SLC5A5: variants seen among roughly 807,000 people sequenced by gnomAD.
SLC5A5 encodes sodium/iodide cotransporter.
Under a neutral mutation model 68.6 loss-of-function variants are expected in SLC5A5, and 56 were observed. That is an observed-to-expected ratio of 0.82 (90% CI 0.66 to 1.02). The LOEUF (loss-of-function observed/expected upper bound fraction) is 1.02. Among genes scored for constraint, SLC5A5 ranks in the 50% least tolerant of loss-of-function variants. SLC5A5 has a pLI of 0.00. For missense variants in SLC5A5, 807 were observed against 859.8 expected (o/e 0.94, Z 0.77); for synonymous variants, 398 against 373.0 (o/e 1.07, Z -0.77).
At chr19:17,886,394 G>A (rs764008954) in intron 12 of SLC5A5, among the ~76,000 whole-genome samples, 20 of 148,502 alleles carry the variant, frequency 1.3e-4, no homozygotes, top group African/African-American at 3.7e-4. Context: ...TGCAACCTCC[G>A]CCTCCTGGGT....
At position 17,892,695 on chromosome 19, in the gene SLC5A5, A is replaced by AGAGAGAGCGAGC. The variant is rs528009112; in HGVS notation, c.1768-1015_1768-1014insAGAGCGAGCGAG. 3.4e-5 allele frequency among the ~76,000 whole-genome samples: 5 copies of AGAGAGAGCGAGC among 148,720 alleles called. No individual in the cohort carries two copies. The South Asian group carries it at 8.7e-4, about 26-fold the overall frequency. On this transcript the variant is annotated intron_variant, in intron 14 of 14. Transcript: ENST00000222248. ...GAGAGAGAGAGAGAGAGAGAGAGAG[A>AGAGAGAGCGAGC]GAGCAAGCTAAAAAGAAAAACGTGT...
At chr19:17,875,909 C>G in intron 4 of SLC5A5, 43 bp from the exon 5 acceptor site, 2 of 1,612,320 alleles carry the variant, frequency 1.2e-6, no homozygotes, top group Non-Finnish European at 1.7e-6. Flanking sequence ...GGCCAGGTCC[C>G]CCATCTAACC....
intron 8 of SLC5A5, among the ~76,000 whole-genome samples, chr19:17,881,703 A>C (rs994048728): frequency 6.6e-6 from 1 of 152,262 alleles, no homozygotes; most frequent in South Asian, 2.1e-4. Context: ...CCCTTTTGCA[A>C]ATCTCCCACA....
intron 1 of SLC5A5, among the ~76,000 whole-genome samples, chr19:17,872,879 AAG>A (rs1222689559): frequency 6.6e-6 from 1 of 152,060 alleles, no homozygotes; most frequent in Non-Finnish European, 1.5e-5. Flanking sequence ...AGGAAGGAGG[AAG>A]AGAGAGCCTG....
At chr19:17,888,702 A>G (rs1349738032) in intron 13 of SLC5A5, among the ~76,000 whole-genome samples, 1 of 151,034 alleles carries the variant, frequency 6.6e-6, no homozygotes, top group Non-Finnish European at 1.5e-5. Flanking sequence ...GTGTGATCTC[A>G]GTTCATTGCA....
chr19:17,874,405 TA>T (rs1230405562), intron 2 of SLC5A5, 88 bp from the exon 3 acceptor site: 1 of 1,306,042 alleles, frequency 7.7e-7, no homozygotes, highest in African/African-American at 1.5e-5. Flanking sequence ...GCCCCGCCCA[TA>T]TTCTGGGACC....
intron 14 of SLC5A5, among the ~76,000 whole-genome samples, 159 bp from the exon 15 acceptor site, chr19:17,893,554 G>A (rs1190046856): frequency 2.0e-5 from 3 of 152,108 alleles, no homozygotes; most frequent in Admixed American, 6.6e-5. Context: ...GAGGCAGAGC[G>A]GGCAGGACTG....
rs201568651 is a variant in SLC5A5, at chr19:17,888,285, C to T, written c.1527-46C>T. On this transcript the variant is annotated intron_variant, in intron 12 of 14. Coordinates refer to ENST00000222248, the MANE Select transcript of SLC5A5 (RefSeq NM_000453.3). Reference sequence around the variant, plus strand: ...GGTTGGAACAGCTTTTGAGTGCAGGCAGGGGATAAAAGAGGAGGTTCAAGT... The same window carrying T: ...GGTTGGAACAGCTTTTGAGTGCAGGTAGGGGATAAAAGAGGAGGTTCAAGT... 6.9e-4 allele frequency: 1,111 copies of T among 1,610,836 alleles called. 3 individuals are homozygous for T. Among genetic ancestry groups the T allele is most frequent in the Admixed American group, 4.3e-3 (257 of 59,950 alleles).
chr19:17,875,387 A>G (rs2094304434), intron 4 of SLC5A5, among the ~76,000 whole-genome samples: 1 of 151,642 alleles, frequency 6.6e-6, no homozygotes, highest in South Asian at 2.1e-4. Context: ...TATAATAATA[A>G]TAATAATAAT....
chr19:17,885,352 G>T (rs1373555604), intron 12 of SLC5A5, among the ~76,000 whole-genome samples: 1 of 144,050 alleles, frequency 6.9e-6, no homozygotes, highest in Admixed American at 6.8e-5. Context: ...TATTTATTTT[G>T]GTTTTTTGGG....
chr19:17,878,865 CT>C (rs2094313701), intron 7 of SLC5A5, among the ~76,000 whole-genome samples: 2 of 151,132 alleles, frequency 1.3e-5, no homozygotes, highest in South Asian at 4.2e-4. Flanking sequence ...ATCCCAGCTA[CT>C]CGGGAGGCTG....
At chr19:17,881,033 C>T in intron 8 of SLC5A5, 80 bp downstream of exon 8, 1 of 1,060,288 alleles carries the variant, frequency 9.4e-7, no homozygotes, top group Non-Finnish European at 1.5e-6. Flanking sequence ...CCCTCTGGGG[C>T]ATGGAATGTT....
chr19:17,878,011 C>T lies in SLC5A5; in HGVS notation c.887C>T (p.Ala296Val). ...QVGLFLIVSS[A>V]ACCGIVMFVF... is the part of the protein sequence containing the mutation. ...GGCCTGTTCCTGATCGTGTCCAGCG[C>T]TGCCTGCTGTGGCATCGTCATGTTT... The change falls in exon 7 of 15, where the codon GCT (alanine) becomes GTT (valine). Residue 296 changes from alanine to valine, a missense_variant. Transcript: ENST00000222248. 6.2e-7 allele frequency: 1 copy of T among 1,613,520 alleles called. No individual in the cohort carries two copies. The highest frequency in any genetic ancestry group is 1.1e-5 in the South Asian group (1 of 91,090).
In SLC5A5 at chr19:17,878,031, A is replaced by T. The variant is rs770890932; in HGVS notation, c.907A>T (p.Met303Leu). 1.4e-5 allele frequency: 22 copies of T among 1,613,124 alleles called. No individual in the cohort carries two copies. The highest frequency in any genetic ancestry group is 1.9e-5 in the Non-Finnish European group (22 of 1,179,984). ...CAGCGCTGCCTGCTGTGGCATCGTC[A>T]TGTTTGTGTTCTACACTGACTGCGA... ...VSSAACCGIV[M>L]FVFYTDCDPL... The change falls in exon 7 of 15, where the codon ATG (methionine) becomes TTG (leucine). Residue 303 changes from methionine to leucine, a missense_variant. Physicochemically the swap from Met to Leu is conservative, Grantham distance 15. Transcript: ENST00000222248.
intron 7 of SLC5A5, 113 bp from the exon 8 acceptor site, chr19:17,880,752 C>T (rs1014703831): frequency 3.8e-6 from 3 of 788,378 alleles, no homozygotes; most frequent in Admixed American, 1.8e-5. Flanking sequence ...TATTAAATGC[C>T]GACTCTGAGC....
chr19:17,884,353 A>T (rs998166087), intron 12 of SLC5A5, among the ~76,000 whole-genome samples: 1 of 152,102 alleles, frequency 6.6e-6, no homozygotes, highest in Admixed American at 6.6e-5. Flanking sequence ...GCTGGAATGC[A>T]GGGGTGCAAT....
rs776726081 is a variant in SLC5A5 at position 17,883,965 on chromosome 19, G to A, written c.1445G>A (p.Arg482His). Residue 482 changes from arginine (R) to histidine (H), a missense_variant, in exon 12 of 15, where the codon CGC becomes CAC. Arg to His is a conservative substitution (Grantham distance 29). Coordinates refer to ENST00000222248, the MANE Select transcript of SLC5A5 (RefSeq NM_000453.3). ...AGGGTCCTGCCATCGTCGGCTGCCC[G>A]CTGCGTGGCTCTCTCAGTCAACGCC... ...TMRVLPSSAA[R>H]CVALSVNASG... The A allele has an allele frequency of 1.3e-5, 20 of 1,564,440 alleles. No homozygotes were observed. Among genetic ancestry groups the A allele is most frequent in the Non-Finnish European group, 1.6e-5 (19 of 1,156,270 alleles).
Position 17,883,452 on chromosome 19 carries a change from G to C in SLC5A5, c.1243-229G>C, listed in dbSNP as rs1346968122. ...AGAAGAAAGGGTCTCCCTGGCTTGAGGGTGGGACTGCCACCCCCAAGAGAT... is the reference window on the plus strand; with the variant it reads ...AGAAGAAAGGGTCTCCCTGGCTTGACGGTGGGACTGCCACCCCCAAGAGAT... On this transcript the variant is annotated intron_variant, in intron 10 of 14. Coordinates refer to ENST00000222248, the MANE Select transcript of SLC5A5 (RefSeq NM_000453.3). Among the ~76,000 whole-genome samples the C allele has an allele frequency of 2.0e-5, 3 of 151,662 alleles. No homozygotes were observed. In the East Asian group the frequency reaches 5.8e-4, roughly 29 times the overall value.
Position 17,894,213 on chromosome 19 carries a change from TCTCGG to T in SLC5A5, c.*340_*344del, listed in dbSNP as rs2030324035. ...CCCAGGCTGGAGTGCAGTGGTGTGA[TCTCGG>T]CTCACTGCAACCTCTGCCTCCCAGG... On this transcript the variant is annotated 3_prime_UTR_variant, in exon 15 of 15. Coordinates refer to ENST00000222248, the MANE Select transcript of SLC5A5 (RefSeq NM_000453.3). 1 of 267,220 alleles carries T rather than the reference TCTCGG, an allele frequency of 3.7e-6. No homozygotes were observed. 16.6% of individuals were successfully genotyped at this position (267,220 alleles called of 1,614,324 possible). A position where few individuals can be genotyped will look rare whatever the true frequency, so the allele number is the denominator to read the frequency against.
Sources: gnomAD v4.1 joint callset for allele counts (sites outside exome capture counted in the v4.1 genomes callset) on GRCh38, gnomAD v4.1.1 for gene constraint, MANE v1.5 for transcripts, NCBI Gene and HGNC (gene_info 2026-07-23, HGNC 2026-07-21) for gene names.